Variants in AGBL4 observed in about 807,000 individuals in gnomAD.
AGBL4 encodes AGBL carboxypeptidase 4.
Under a neutral mutation model 66.4 loss-of-function variants are expected in AGBL4, and 58 were observed. The observed-to-expected ratio is 0.87, with a 90% CI of 0.71 to 1.09. AGBL4 has a LOEUF of 1.09. Ranked by LOEUF, AGBL4 falls within the 50% of genes least tolerant of loss-of-function variation. The pLI, the probability that AGBL4 is intolerant of heterozygous loss-of-function variation, is 0.00. For missense variants in AGBL4, 579 were observed against 631.0 expected, an observed-to-expected ratio of 0.92 and a Z score of 0.88; for synonymous variants, 234 against 222.9, an observed-to-expected ratio of 1.05 and a Z score of -0.44.
At chr1:48,527,682 T>G in the AGBL4 span, among the ~76,000 whole-genome samples, 1 of 150,862 alleles carries the variant, frequency 6.6e-6, no homozygotes, top group African/African-American at 2.4e-5. Flanking sequence ...CTGCTAAGAC[T>G]GGGAGGATAT....
chr1:49,257,111 A>T (rs957515278), intron 3 of AGBL4, among the ~76,000 whole-genome samples: 2 of 151,918 alleles, frequency 1.3e-5, no homozygotes, highest in African/African-American at 4.8e-5. Context: ...GTATTTTACA[A>T]AAAAAAATAC....
chr1:49,766,553 C>A (rs1177124783), intron 2 of AGBL4, among the ~76,000 whole-genome samples: 1 of 151,712 alleles, frequency 6.6e-6, no homozygotes, highest in Non-Finnish European at 1.5e-5. Context: ...AACAACTTCA[C>A]AATAGGATCA....
intron 3 of AGBL4, among the ~76,000 whole-genome samples, chr1:49,650,585 G>A (rs1190320777): frequency 6.6e-6 from 1 of 152,132 alleles, no homozygotes; most frequent in African/African-American, 2.4e-5. Context: ...TCTTCCTGGG[G>A]ATCCTCAGCC....
chr1:49,374,807 A>C (rs1298912151), intron 3 of AGBL4, among the ~76,000 whole-genome samples: 1 of 152,220 alleles, frequency 6.6e-6, no homozygotes, highest in African/African-American at 2.4e-5. Flanking sequence ...TTCAGTAATC[A>C]CTTTCATTCT....
rs150843666 is a variant in AGBL4 at position 49,362,653 on chromosome 1, C to A, written c.283-116789G>T. ...CACTTGACTAGGATCCTTTTCTACA[C>A]CAACAATTTCAATGACTCTGCTTTG... On this transcript the variant is annotated intron_variant, in intron 3 of 13. Coordinates refer to ENST00000371839, the MANE Select transcript of AGBL4 (RefSeq NM_032785.4). Among the ~76,000 whole-genome samples the A allele has an allele frequency of 8.0e-3, 1,218 of 152,110 alleles. 8 individuals carry two copies. The highest frequency in any genetic ancestry group is 0.031 in the Middle Eastern group (9 of 292).
At chr1:49,650,251 A>G (rs1244161600) in intron 3 of AGBL4, among the ~76,000 whole-genome samples, 1 of 152,212 alleles carries the variant, frequency 6.6e-6, no homozygotes, top group East Asian at 1.9e-4. Flanking sequence ...GTGAGAGCCC[A>G]TAGGAAAAAA....
intron 3 of AGBL4, among the ~76,000 whole-genome samples, chr1:49,511,118 G>T (rs1272184690): frequency 6.6e-6 from 1 of 151,788 alleles, no homozygotes; most frequent in Non-Finnish European, 1.5e-5. Flanking sequence ...TATACCCAAA[G>T]GACTATAAAT....
At chr1:49,085,673 C>T (rs1416158771) in intron 4 of AGBL4, among the ~76,000 whole-genome samples, 1 of 151,890 alleles carries the variant, frequency 6.6e-6, no homozygotes, top group Non-Finnish European at 1.5e-5. Context: ...AATCTGGTTA[C>T]CAGACTGTCT....
chr1:49,430,686 CTTAA>C (rs145687422), intron 3 of AGBL4, among the ~76,000 whole-genome samples: 6,909 of 152,146 alleles, frequency 0.045, 224 homozygotes, highest in Non-Finnish European at 0.061. Flanking sequence ...TAAGTATAAA[CTTAA>C]TTAATTATTT....
At chr1:49,865,175 C>A (rs945883684) in intron 1 of AGBL4, among the ~76,000 whole-genome samples, 2 of 152,136 alleles carry the variant, frequency 1.3e-5, no homozygotes, top group Non-Finnish European at 2.9e-5. Flanking sequence ...TAAGTATTTC[C>A]CCCTGCTGGC....
chr1:50,015,545 C>A (rs1661913308), intron 1 of AGBL4, among the ~76,000 whole-genome samples: 1 of 151,994 alleles, frequency 6.6e-6, no homozygotes, highest in Non-Finnish European at 1.5e-5. Context: ...TAGTTCCAGC[C>A]AGTTGGGAGG....
intron 4 of AGBL4, among the ~76,000 whole-genome samples, chr1:49,096,413 A>T (rs1413297832): frequency 1.3e-5 from 2 of 152,050 alleles, no homozygotes; most frequent in African/African-American, 4.8e-5. Context: ...GGCACTATTC[A>T]CAACAGCAAA....
At chr1:48,763,674 C>G (rs1267222254) in intron 6 of AGBL4, among the ~76,000 whole-genome samples, 3 of 152,322 alleles carry the variant, frequency 2.0e-5, no homozygotes, top group African/African-American at 7.2e-5. Context: ...TGCGCTGAAA[C>G]TCTGTAGCTC....
rs1333824439 is a variant in AGBL4 at position 48,534,153 on chromosome 1, C to T, written c.*20G>A. ...AATGCATGCTCCTGTCCCCATAAGA[C>T]CTCCCAGGACTCCGTGTCTTTAAAA... On this transcript the variant is annotated 3_prime_UTR_variant, in exon 14 of 14. Coordinates refer to ENST00000371839, the MANE Select transcript of AGBL4 (RefSeq NM_032785.4). 1 of 1,551,444 alleles carries T rather than the reference C, an allele frequency of 6.4e-7. No individual in the cohort carries two copies. The highest frequency in any genetic ancestry group is 2.0e-5 in the Admixed American group (1 of 50,998).
At chr1:49,279,308 C>G (rs1644230782) in intron 3 of AGBL4, among the ~76,000 whole-genome samples, 1 of 152,060 alleles carries the variant, frequency 6.6e-6, no homozygotes, top group Non-Finnish European at 1.5e-5. Flanking sequence ...TAAATTACTC[C>G]AAGGATTAGG....
At chr1:49,782,434 C>T (rs1305021637) in intron 2 of AGBL4, among the ~76,000 whole-genome samples, 1 of 152,136 alleles carries the variant, frequency 6.6e-6, no homozygotes, top group Non-Finnish European at 1.5e-5. Context: ...ATGAATGCAT[C>T]TATAGATGAT....
Position 48,811,131 on chromosome 1 carries a change from G to C in AGBL4, c.634+56060C>G, listed in dbSNP as rs951001863. Among the ~76,000 whole-genome samples, 3 of 145,806 alleles carry C rather than the reference G, an allele frequency of 2.1e-5. No homozygotes were observed. In the Admixed American group the frequency reaches 2.1e-4, roughly 10 times the overall value. ...CGCCAACAGATGGGACACAATAGGT[G>C]TTCCTCTGGAGCTCTGATTCTCAGC... On this transcript the variant is annotated intron_variant, in intron 6 of 13. Transcript: ENST00000371839.
At chr1:49,008,424 A>T (rs1662050403) in intron 5 of AGBL4, among the ~76,000 whole-genome samples, 1 of 150,990 alleles carries the variant, frequency 6.6e-6, no homozygotes, top group African/African-American at 2.4e-5. Flanking sequence ...ACACATTAAT[A>T]ATGGGAGACT....
intron 5 of AGBL4, among the ~76,000 whole-genome samples, chr1:48,953,649 G>A (rs1350158175): frequency 6.6e-6 from 1 of 152,168 alleles, no homozygotes; most frequent in Non-Finnish European, 1.5e-5. Context: ...TGAAAGTGAG[G>A]TTTTTTCCTT....
Sources: gnomAD v4.1 joint callset for allele counts (sites outside exome capture counted in the v4.1 genomes callset) on GRCh38, gnomAD v4.1.1 for gene constraint, MANE v1.5 for transcripts, NCBI Gene and HGNC (gene_info 2026-07-23, HGNC 2026-07-21) for gene names.